Variants in NRG3 observed in about 807,000 individuals in gnomAD.
NRG3 encodes the protein pro-neuregulin-3, membrane-bound isoform.
A neutral mutation model predicts 66.9 loss-of-function variants in NRG3; 31 were observed. The ratio of observed to expected loss-of-function variants is 0.46; its 90% CI spans 0.35 to 0.63. The LOEUF is 0.63. NRG3 is among the 20% of genes least tolerant of loss of function. The probability of loss-of-function intolerance (pLI) is 0.00; values close to 1 mark genes in which losing one functional copy is unlikely to be tolerated. For synonymous variants in NRG3, 393 were observed against 359.4 expected, an observed-to-expected ratio of 1.09 and a Z score of -1.06; for missense variants, 910 against 878.9, an observed-to-expected ratio of 1.04 and a Z score of -0.45.
chr10:82,102,124 ATG>A (rs1174700856), intron 1 of NRG3, among the ~76,000 whole-genome samples: 5 of 9,148 alleles, frequency 5.5e-4, no homozygotes, highest in Admixed American at 1.2e-3. Context: ...ATATATATAT[ATG>A]TGTATTCATA....
chr10:82,797,881 A>G (rs1198078230), intron 3 of NRG3, among the ~76,000 whole-genome samples: 2 of 152,166 alleles, frequency 1.3e-5, no homozygotes, highest in African/African-American at 4.8e-5. Flanking sequence ...ACAGATTCTC[A>G]ACCTGGTTTT....
intron 1 of NRG3, among the ~76,000 whole-genome samples, chr10:82,087,975 G>A (rs554580445): frequency 2.0e-5 from 3 of 152,056 alleles, no homozygotes; most frequent in Non-Finnish European, 4.4e-5. Flanking sequence ...GGCTGGATCC[G>A]AAACCTCAGA....
intron 2 of NRG3, among the ~76,000 whole-genome samples, chr10:82,532,663 C>A (rs1337213629): frequency 1.3e-5 from 2 of 149,598 alleles, no homozygotes; most frequent in African/African-American, 4.9e-5. Flanking sequence ...ATATATCTCT[C>A]ATTTTTTTAA....
chr10:82,194,537 C>T (rs1295801100), intron 1 of NRG3, among the ~76,000 whole-genome samples: 4 of 151,974 alleles, frequency 2.6e-5, no homozygotes, highest in African/African-American at 9.7e-5. Context: ...GGCATGGATT[C>T]GGGAAGGTCA....
At chr10:82,000,896 G>T (rs374281907) in intron 1 of NRG3, among the ~76,000 whole-genome samples, 2 of 151,728 alleles carry the variant, frequency 1.3e-5, no homozygotes, top group East Asian at 1.9e-4. Flanking sequence ...TGCTATTCTG[G>T]GTTTGTTTTT....
chr10:82,354,866 T>C (rs939332289), intron 1 of NRG3, among the ~76,000 whole-genome samples: 3 of 152,132 alleles, frequency 2.0e-5, no homozygotes, highest in African/African-American at 7.2e-5. Flanking sequence ...TGATGTCTGA[T>C]AGCAGGGCCC....
rs78702761 is a variant in NRG3, at chr10:82,079,597, G to A, written c.823+203434G>A. On this transcript the variant is annotated intron_variant, in intron 1 of 8. Coordinates refer to ENST00000372141, the MANE Select transcript of NRG3 (RefSeq NM_001010848.4). ...ACCAATACAGAATAGTTTCATTGCC[G>A]TAAAAATTCTCTGTGCTCTGTCTAT... Among the ~76,000 whole-genome samples, 233 of 152,154 alleles carry A rather than the reference G, an allele frequency of 1.5e-3. 1 individual carries two copies. Among genetic ancestry groups the A allele is most frequent in the African/African-American group, 5.3e-3 (219 of 41,516 alleles).
chr10:82,985,439 C>T lies in NRG3; in HGVS notation c.1925C>T (p.Thr642Ile), dbSNP rs1367277832. The change falls in exon 9 of 9, where the codon ACT becomes ATT. Residue 642 changes from threonine (T) to isoleucine (I), a missense_variant. By Grantham distance (89) the Thr-to-Ile change is moderately conservative (BLOSUM62 -1). Transcript: ENST00000372141. ...GTCCAGGAGCAGATCCGAATTCTGA[C>T]TGATGCCAGACGGTCAGAAGACTAC... ...ETVQEQIRILTDARRSEDYEL... is the reference protein window; with the variant it reads ...ETVQEQIRILIDARRSEDYEL... 6.2e-7 allele frequency: 1 copy of T among 1,613,994 alleles called. No homozygotes were observed. Among genetic ancestry groups the T allele is most frequent in the East Asian group, 2.2e-5 (1 of 44,854 alleles).
chr10:82,831,974 C>T (rs919477081), intron 3 of NRG3, among the ~76,000 whole-genome samples: 1 of 152,084 alleles, frequency 6.6e-6, no homozygotes, highest in African/African-American at 2.4e-5. Flanking sequence ...AGACCTCTTT[C>T]ACACAGCAGT....
At chr10:82,009,226 CAAT>C (rs2061485619) in intron 1 of NRG3, among the ~76,000 whole-genome samples, 1 of 152,114 alleles carries the variant, frequency 6.6e-6, no homozygotes, top group South Asian at 2.1e-4. Context: ...CTGAGGTGTA[CAAT>C]GACATGCATT....
At chr10:82,186,980 T>A (rs1589250500) in intron 1 of NRG3, among the ~76,000 whole-genome samples, 1 of 152,192 alleles carries the variant, frequency 6.6e-6, no homozygotes, top group African/African-American at 2.4e-5. Context: ...GCATCAAAGC[T>A]ATCTTACCTG....
chr10:82,604,661 A>G (rs2047849752), intron 2 of NRG3, among the ~76,000 whole-genome samples: 1 of 152,162 alleles, frequency 6.6e-6, no homozygotes, highest in Non-Finnish European at 1.5e-5. Flanking sequence ...ATAGATCAAT[A>G]AAACAAAATA....
intron 4 of NRG3, among the ~76,000 whole-genome samples, chr10:82,877,557 T>C (rs1328851802): frequency 1.5e-5 from 2 of 137,214 alleles, no homozygotes; most frequent in Non-Finnish European, 3.1e-5. Flanking sequence ...TTTTTTTTTT[T>C]TTTGGATTTT....
At chr10:82,466,109 A>G (rs1248366616) in intron 2 of NRG3, among the ~76,000 whole-genome samples, 1 of 152,078 alleles carries the variant, frequency 6.6e-6, no homozygotes, top group Non-Finnish European at 1.5e-5. Context: ...ACTTCCAGGC[A>G]CCTGTGTCTG....
intron 1 of NRG3, among the ~76,000 whole-genome samples, chr10:82,298,397 G>A (rs1337123780): frequency 1.3e-5 from 2 of 152,026 alleles, no homozygotes; most frequent in Non-Finnish European, 2.9e-5. Context: ...TGAATGGATG[G>A]TAATTTTGTT....
rs141587522 is a variant in NRG3, at chr10:82,860,933, G to C, written c.1028-4478G>C. Reference sequence around the variant, plus strand: ...GTGAATATCCCTGGGCATACTGCTTGCTTTGAGAAATAGCCAGTGAAGGGT... The same window carrying C: ...GTGAATATCCCTGGGCATACTGCTTCCTTTGAGAAATAGCCAGTGAAGGGT... On this transcript the variant is annotated intron_variant, in intron 3 of 8. Coordinates refer to ENST00000372141, the MANE Select transcript of NRG3 (RefSeq NM_001010848.4). Among the ~76,000 whole-genome samples, 4 of 152,270 alleles carry C rather than the reference G, an allele frequency of 2.6e-5. No homozygotes were observed. In the East Asian group the frequency reaches 7.7e-4, roughly 29 times the overall value.
chr10:82,712,746 C>A (rs1435107599), intron 2 of NRG3, among the ~76,000 whole-genome samples: 1 of 152,008 alleles, frequency 6.6e-6, no homozygotes, highest in East Asian at 1.9e-4. Flanking sequence ...CATGAAGATT[C>A]CTGGAGGAGG....
intron 2 of NRG3, among the ~76,000 whole-genome samples, chr10:82,693,847 A>C (rs1320484931): frequency 6.6e-6 from 1 of 152,208 alleles, no homozygotes; most frequent in East Asian, 1.9e-4. Context: ...TTTATTGTGA[A>C]GAGTGAAAGA....
intron 1 of NRG3, among the ~76,000 whole-genome samples, chr10:82,011,309 G>T (rs1415044738): frequency 6.6e-6 from 1 of 152,068 alleles, no homozygotes; most frequent in East Asian, 1.9e-4. Flanking sequence ...ACTATTACAA[G>T]AACAGTATGA....
Sources: allele counts gnomAD v4.1 joint callset (sites outside exome capture counted in the v4.1 genomes callset), GRCh38; gene constraint gnomAD v4.1.1; transcripts MANE v1.5; gene names NCBI Gene and HGNC (gene_info 2026-07-23, HGNC 2026-07-21).